E2F6: variants seen among roughly 807,000 people sequenced by gnomAD.
E2F6 encodes the protein E2F transcription factor 6.
A neutral mutation model predicts 31.5 loss-of-function variants in E2F6; 19 were observed. The observed-to-expected ratio is 0.60, with a 90% CI of 0.42 to 0.89. The LOEUF (loss-of-function observed/expected upper bound fraction) is 0.89, where lower values mean the gene tolerates loss of function less well. Among genes scored for constraint, E2F6 ranks in the 40% least tolerant of loss-of-function variants. The probability of loss-of-function intolerance (pLI) is 0.00; values close to 1 mark genes in which losing one functional copy is unlikely to be tolerated. For missense variants in E2F6, 269 were observed against 341.6 expected, an observed-to-expected ratio of 0.79 and a Z score of 1.67; for synonymous variants, 121 against 127.7, an observed-to-expected ratio of 0.95 and a Z score of 0.36.
In E2F6 at chr2:11,444,784, C is replaced by T. The variant is rs1397591884; in HGVS notation, c.*1693G>A. 1 of 152,270 alleles carries T rather than the reference C, an allele frequency of 6.6e-6. No individual in the cohort carries two copies. Among genetic ancestry groups the T allele is most frequent in the African/African-American group, 2.4e-5 (1 of 41,444 alleles). 9.4% of individuals were successfully genotyped at this position (152,270 alleles called of 1,614,324 possible). On this transcript the variant is annotated 3_prime_UTR_variant, in exon 7 of 7. Coordinates refer to ENST00000381525, the MANE Select transcript of E2F6 (RefSeq NM_198256.4). ...TGACCTACATACACACAACAACCTG[C>T]TCAACTCTTGCTTTCATCAAGCATG...
chr2:11,463,643 A>C (rs1179048661), intron 1 of E2F6, among the ~76,000 whole-genome samples: 3 of 151,692 alleles, frequency 2.0e-5, no homozygotes, highest in Non-Finnish European at 4.4e-5. Flanking sequence ...AGACGGTAGA[A>C]GAGAACCCTG....
In E2F6 at chr2:11,454,378, TC is replaced by T. The variant is rs1572499925; in HGVS notation, c.164-581del. On this transcript the variant is annotated intron_variant, in intron 2 of 6. Coordinates refer to ENST00000381525, the MANE Select transcript of E2F6 (RefSeq NM_198256.4). ...TTTTTTTTTTTTTTTTGAGAGAGTC[TC>T]GCTCTGTTGCCCAGGCTGGAGCTGG... Among the ~76,000 whole-genome samples, 4 of 151,120 alleles carry T rather than the reference TC, an allele frequency of 2.6e-5. No individual in the cohort carries two copies. The East Asian group carries it at 7.8e-4, about 30-fold the overall frequency.
chr2:11,446,527 G>C lies in E2F6; in HGVS notation c.800-4C>G. On this transcript the variant is annotated splice_polypyrimidine_tract_variant and splice_region_variant and intron_variant, in intron 6 of 6. Coordinates refer to ENST00000381525, the MANE Select transcript of E2F6 (RefSeq NM_198256.4). ...TCACTTTGCTGAGGATTTTCTTCTG[G>C]AAAAGAACACGAGAGAGAAATACAC... 3 of 1,612,956 alleles carry C rather than the reference G, an allele frequency of 1.9e-6. No individual in the cohort carries two copies. Among genetic ancestry groups the C allele is most frequent in the Non-Finnish European group, 2.5e-6 (3 of 1,179,254 alleles).
At position 11,453,564 on chromosome 2, in the gene E2F6, A is replaced by C; in HGVS notation, c.380+18T>G. The C allele has an allele frequency of 1.9e-6, 3 of 1,611,360 alleles. No individual in the cohort carries two copies. The highest frequency in any genetic ancestry group is 1.7e-6 in the Non-Finnish European group (2 of 1,178,426). ...TGAGAAGGAACAAAAGCCACGAAAAAGTTTGAAAGCAACTCACATCCATCT... is the reference window on the plus strand; with the variant it reads ...TGAGAAGGAACAAAAGCCACGAAAACGTTTGAAAGCAACTCACATCCATCT... On this transcript the variant is annotated intron_variant, in intron 3 of 6. Transcript: ENST00000381525.
chr2:11,456,097 A>T (rs1225476409), intron 2 of E2F6, among the ~76,000 whole-genome samples: 2 of 152,240 alleles, frequency 1.3e-5, no homozygotes, highest in Non-Finnish European at 2.9e-5. Flanking sequence ...GCATTAAGCA[A>T]GAAACAGCCT....
chr2:11,446,600 G>C (rs1228895922), intron 6 of E2F6, 77 bp from the exon 7 acceptor site: 15 of 1,230,230 alleles, frequency 1.2e-5, no homozygotes, highest in Non-Finnish European at 1.5e-5. Context: ...ATACGTAAAA[G>C]AATACACAAT....
At chr2:11,462,089 C>T (rs1183954918) in intron 1 of E2F6, among the ~76,000 whole-genome samples, 1 of 152,120 alleles carries the variant, frequency 6.6e-6, no homozygotes, top group African/African-American at 2.4e-5. Context: ...AGAATCAATT[C>T]CAAAAACCCC....
intron 1 of E2F6, among the ~76,000 whole-genome samples, chr2:11,463,958 G>GGGGGGGGGGC (rs56958029): frequency 9.4e-6 from 1 of 106,360 alleles, no homozygotes; most frequent in Non-Finnish European, 2.0e-5. Context: ...CGGGGGGGGG[G>GGGGGGGGGGC]ACAAAAACAA....
chr2:11,464,385 C>T (rs927545186), intron 1 of E2F6, among the ~76,000 whole-genome samples: 4 of 151,590 alleles, frequency 2.6e-5, no homozygotes, highest in African/African-American at 9.7e-5. Flanking sequence ...TGCGTGGTGG[C>T]GGGTGCCTGT....
chr2:11,450,849 T>C (rs1191303946), intron 4 of E2F6, among the ~76,000 whole-genome samples: 1 of 152,150 alleles, frequency 6.6e-6, no homozygotes, highest in Non-Finnish European at 1.5e-5. Context: ...GAGAGAGTTT[T>C]AAGTAAATAT....
intron 1 of E2F6, among the ~76,000 whole-genome samples, chr2:11,464,334 GA>G (rs200206753): frequency 0.011 from 1,679 of 151,882 alleles, 31 homozygotes; most frequent in African/African-American, 0.037. Flanking sequence ...CTTACACGGT[GA>G]AACCCCATCT....
intron 2 of E2F6, among the ~76,000 whole-genome samples, chr2:11,454,350 C>T (rs936650681): frequency 6.7e-6 from 1 of 150,036 alleles, no homozygotes; most frequent in African/African-American, 2.5e-5. Context: ...TGGTATCTCT[C>T]TCTTTTTTTT....
chr2:11,444,434 C>T lies in E2F6; in HGVS notation c.*2043G>A, dbSNP rs907478676. 1.3e-5 allele frequency: 2 copies of T among 152,162 alleles called. No individual in the cohort carries two copies. The highest frequency in any genetic ancestry group is 1.9e-4 in the East Asian group (1 of 5,194). The allele number at this position is 152,162 out of a possible 1,614,324, so 9.4% of individuals were successfully genotyped here. A position where few individuals can be genotyped will look rare whatever the true frequency, so the allele number is the denominator to read the frequency against. On this transcript the variant is annotated 3_prime_UTR_variant, in exon 7 of 7. Coordinates refer to ENST00000381525, the MANE Select transcript of E2F6 (RefSeq NM_198256.4). ...ACATCTGTAATTTACAAAGGATTTT[C>T]GTTTACATGATCTCATTTTACCTTC...
chr2:11,453,919 C>A, intron 2 of E2F6, 121 bp from the exon 3 acceptor site: 1 of 835,876 alleles, frequency 1.2e-6, no homozygotes, highest in Non-Finnish European at 1.9e-6. Context: ...TACACATTGA[C>A]CAAATCAAAG....
intron 5 of E2F6, among the ~76,000 whole-genome samples, chr2:11,448,402 G>T (rs7588248): frequency 0.06 from 9,186 of 152,192 alleles, 845 homozygotes; most frequent in African/African-American, 0.2. Context: ...TGCTTTAATT[G>T]GGAGCTGCTT....
rs143194049 is a variant in E2F6 at position 11,463,354 on chromosome 2, A to G, written c.108+2418T>C. ...CCCCGAAGGAGTAGGATTTTCTCTT[A>G]TTTATGATTTTCTTAATAACATTTT... On this transcript the variant is annotated intron_variant, in intron 1 of 6. Coordinates refer to ENST00000381525, the MANE Select transcript of E2F6 (RefSeq NM_198256.4). 4.0e-4 allele frequency among the ~76,000 whole-genome samples: 61 copies of G among 152,324 alleles called. No homozygotes were observed. In the East Asian group the frequency reaches 0.011, roughly 28 times the overall value.
intron 1 of E2F6, among the ~76,000 whole-genome samples, chr2:11,465,178 CAAAAAAAAAAA>C (rs59561027): frequency 1.1e-5 from 1 of 88,606 alleles, no homozygotes; most frequent in Non-Finnish European, 2.1e-5. Flanking sequence ...AACTCAATCT[CAAAAAAAAAAA>C]AAAAAAAGAA....
At chr2:11,446,925 C>T (rs2148331491) in intron 6 of E2F6, among the ~76,000 whole-genome samples, 1 of 152,358 alleles carries the variant, frequency 6.6e-6, no homozygotes, top group East Asian at 1.9e-4. Context: ...CAGCCTGTGG[C>T]TCTGCAAGGG....
chr2:11,464,289 T>C (rs964410267), intron 1 of E2F6, among the ~76,000 whole-genome samples: 1 of 151,486 alleles, frequency 6.6e-6, no homozygotes, highest in Admixed American at 6.6e-5. Context: ...CTGAGGCGGG[T>C]GGATCACGAG....
Sources: allele counts gnomAD v4.1 joint callset (sites outside exome capture counted in the v4.1 genomes callset), GRCh38; gene constraint gnomAD v4.1.1; transcripts MANE v1.5; gene names NCBI Gene and HGNC (gene_info 2026-07-23, HGNC 2026-07-21).